The following TENM2 variants were observed in gnomAD, a reference collection of about 807,000 sequenced individuals.
TENM2 encodes the protein teneurin-2.
A neutral mutation model predicts 245.2 loss-of-function variants in TENM2; 52 were observed. The observed-to-expected ratio is 0.21, with a 90% CI of 0.17 to 0.27. The LOEUF (loss-of-function observed/expected upper bound fraction) is 0.27. Ranked by LOEUF, TENM2 falls within the 10% of genes least tolerant of loss-of-function variation. The probability of loss-of-function intolerance (pLI) is 1.00; values close to 1 mark genes in which losing one functional copy is unlikely to be tolerated. For synonymous variants in TENM2, 1,363 were observed against 1,438.9 expected, an observed-to-expected ratio of 0.95 and a Z score of 1.19; for missense variants, 3,046 against 3,666.8, an observed-to-expected ratio of 0.83 and a Z score of 4.37.
At chr5:167,403,980 G>A (rs907446004) in intron 2 of TENM2, among the ~76,000 whole-genome samples, 1 of 151,368 alleles carries the variant, frequency 6.6e-6, no homozygotes, top group African/African-American at 2.4e-5. Context: ...ACACAAGAAC[G>A]GCTGCATGTT....
intron 2 of TENM2, among the ~76,000 whole-genome samples, chr5:167,540,393 T>C (rs1166982471): frequency 3.3e-5 from 5 of 152,126 alleles, no homozygotes; most frequent in Non-Finnish European, 5.9e-5. Flanking sequence ...TAAGAATAGG[T>C]TTTACATTTT....
the TENM2 span, among the ~76,000 whole-genome samples, chr5:167,142,094 AGAGTT>A: frequency 6.6e-6 from 1 of 152,220 alleles, no homozygotes; most frequent in Non-Finnish European, 1.5e-5. Context: ...ATCTATGAGT[AGAGTT>A]AATATTAAAA....
the TENM2 span, among the ~76,000 whole-genome samples, chr5:167,072,339 G>C: frequency 6.6e-6 from 1 of 152,194 alleles, no homozygotes; most frequent in Non-Finnish European, 1.5e-5. Context: ...TGCCAGAAGA[G>C]GAGGAACTTA....
intron 2 of TENM2, among the ~76,000 whole-genome samples, chr5:167,498,674 G>A (rs1417768359): frequency 6.6e-6 from 1 of 151,976 alleles, no homozygotes; most frequent in Non-Finnish European, 1.5e-5. Flanking sequence ...CCCACCCCGT[G>A]CGGCATCACA....
At chr5:167,684,629 A>G (rs1170085044) in intron 2 of TENM2, among the ~76,000 whole-genome samples, 1 of 152,214 alleles carries the variant, frequency 6.6e-6, no homozygotes, top group Admixed American at 6.5e-5. Context: ...TTGAGAGGAT[A>G]AAGTATGCTA....
intron 1 of TENM2, among the ~76,000 whole-genome samples, chr5:167,341,561 T>C (rs1008475439): frequency 1.1e-4 from 16 of 152,148 alleles, no homozygotes; most frequent in Non-Finnish European, 2.1e-4. Context: ...AAATAATTCA[T>C]ACAGAGGTAG....
chr5:167,317,858 G>C (rs984354982), intron 1 of TENM2, among the ~76,000 whole-genome samples: 2 of 152,038 alleles, frequency 1.3e-5, no homozygotes, highest in African/African-American at 4.8e-5. Context: ...AAGGGAAGAG[G>C]GGATAAAAAG....
chr5:168,110,999 T>G (rs1794631218), intron 9 of TENM2, among the ~76,000 whole-genome samples: 1 of 152,240 alleles, frequency 6.6e-6, no homozygotes. Flanking sequence ...TTTTAATTTA[T>G]CGATTCATCC....
At chr5:167,089,437 T>C in the TENM2 span, among the ~76,000 whole-genome samples, 1 of 152,210 alleles carries the variant, frequency 6.6e-6, no homozygotes, top group African/African-American at 2.4e-5. Flanking sequence ...TGATGCTTGG[T>C]AATGGTTTAA....
the TENM2 span, among the ~76,000 whole-genome samples, chr5:167,239,833 C>T: frequency 4.6e-5 from 7 of 152,150 alleles, no homozygotes; most frequent in South Asian, 2.1e-4. Context: ...AGTGCAATGG[C>T]GTGATCTCAG....
At chr5:167,884,058 C>T (rs193190671) in intron 3 of TENM2, among the ~76,000 whole-genome samples, 430 of 152,240 alleles carry the variant, frequency 2.8e-3, no homozygotes, top group Non-Finnish European at 5.0e-3. Context: ...GAGCAACTTA[C>T]TTAATCTATA....
intron 25 of TENM2, among the ~76,000 whole-genome samples, chr5:168,241,379 T>C (rs1407112587): frequency 6.6e-6 from 1 of 151,924 alleles, no homozygotes; most frequent in Non-Finnish European, 1.5e-5. Flanking sequence ...CTCAGCCTTT[T>C]GGGTAGCTGG....
In TENM2 at chr5:167,952,824, T is replaced by C; in HGVS notation, c.947+2T>C. 1 of 1,552,712 alleles carries C rather than the reference T, an allele frequency of 6.4e-7. No homozygotes were observed. Among genetic ancestry groups the C allele is most frequent in the Non-Finnish European group, 8.7e-7 (1 of 1,147,606 alleles). On this transcript the variant is annotated splice_donor_variant, in intron 4 of 28. Coordinates refer to ENST00000518659, the Ensembl canonical transcript of TENM2. LOFTEE classifies it high-confidence loss of function. Reference sequence around the variant, plus strand: ...CAGCAACGTGCCACTGGAGACCCGGTAAGTCCCCATCGCCAGCTCACAGTC... The same window carrying C: ...CAGCAACGTGCCACTGGAGACCCGGCAAGTCCCCATCGCCAGCTCACAGTC...
intron 2 of TENM2, among the ~76,000 whole-genome samples, chr5:167,715,577 A>G (rs1759200817): frequency 6.6e-6 from 1 of 152,240 alleles, no homozygotes. Flanking sequence ...ACCAAGGTTG[A>G]TAAATTATTA....
At chr5:167,073,824 T>C in the TENM2 span, among the ~76,000 whole-genome samples, 2 of 152,210 alleles carry the variant, frequency 1.3e-5, no homozygotes, top group Non-Finnish European at 2.9e-5. Context: ...ATACAGGCCA[T>C]AAGACAGAAA....
At chr5:167,288,572 A>T (rs559233004) in intron 1 of TENM2, among the ~76,000 whole-genome samples, 2 of 151,958 alleles carry the variant, frequency 1.3e-5, no homozygotes, top group South Asian at 4.1e-4. Context: ...AAAAAAAAAA[A>T]AAGAAAAAGA....
chr5:166,992,202 G>A, the TENM2 span, among the ~76,000 whole-genome samples: 2 of 151,992 alleles, frequency 1.3e-5, no homozygotes, highest in Non-Finnish European at 2.9e-5. Flanking sequence ...ATTCACAAGA[G>A]AGACCATAAG....
chr5:168,004,503 GCATGCGCGCGCGCGCACACACACA>G (rs1230109382), intron 5 of TENM2, among the ~76,000 whole-genome samples: 4 of 92,464 alleles, frequency 4.3e-5, no homozygotes, highest in African/African-American at 2.0e-4. Flanking sequence ...TGGGATGCAC[GCATGCGCGCGCGCGCACACACACA>G]CACACACACA....
intron 2 of TENM2, among the ~76,000 whole-genome samples, chr5:167,743,088 C>T (rs1228847465): frequency 1.3e-5 from 2 of 152,188 alleles, no homozygotes; most frequent in Admixed American, 1.3e-4. Flanking sequence ...CCGAACAAAA[C>T]AACATACACA....
Sources: gnomAD v4.1 joint callset for allele counts (sites outside exome capture counted in the v4.1 genomes callset) on GRCh38, gnomAD v4.1.1 for gene constraint, MANE v1.5 for transcripts, NCBI Gene and HGNC (gene_info 2026-07-23, HGNC 2026-07-21) for gene names.